The following MAP2K5 variants were observed in gnomAD, a reference collection of about 807,000 sequenced individuals.
MAP2K5 encodes the protein mitogen-activated protein kinase kinase 5, also known as dual specificity mitogen-activated protein kinase kinase 5.
MAP2K5 carries 49 observed loss-of-function variants against 83.1 expected under a neutral mutation model. The observed-to-expected ratio is 0.59, with a 90% CI of 0.47 to 0.75. The LOEUF is 0.75. Among genes scored for constraint, MAP2K5 ranks in the 30% least tolerant of loss-of-function variants. MAP2K5 has a pLI of 0.00. For synonymous variants in MAP2K5, 202 were observed against 191.8 expected, an observed-to-expected ratio of 1.05 and a Z score of -0.44; for missense variants, 457 against 557.5, an observed-to-expected ratio of 0.82 and a Z score of 1.82.
chr15:67,630,111 A>G (rs549737266), intron 8 of MAP2K5, among the ~76,000 whole-genome samples: 31 of 152,176 alleles, frequency 2.0e-4, no homozygotes, highest in South Asian at 8.3e-4. Flanking sequence ...GCATGTGCCT[A>G]TAGTCCTAGC....
Position 67,656,326 on chromosome 15 carries a change from A to ATT in MAP2K5, c.737-2212_737-2211dup, listed in dbSNP as rs11411357. Among the ~76,000 whole-genome samples, 1,152 of 143,412 alleles carry ATT rather than the reference A, an allele frequency of 8.0e-3. 5 individuals are homozygous for ATT. The highest frequency in any genetic ancestry group is 0.014 in the Middle Eastern group (4 of 280). 94.1% of individuals were successfully genotyped at this position (143,412 alleles called of 152,430 possible). A position where few individuals can be genotyped will look rare whatever the true frequency, so the allele number is the denominator to read the frequency against. On this transcript the variant is annotated intron_variant, in intron 11 of 21. Coordinates refer to ENST00000178640, the MANE Select transcript of MAP2K5 (RefSeq NM_145160.3). The stretch of plus-strand genomic sequence containing the variant: ...TGTCACGTCATGGGGAAACCTTTTA[A>ATT]TTTTTTTTTTTTTTTTGAGACAGGG...
chr15:67,685,938 A>G (rs191468475), intron 13 of MAP2K5, among the ~76,000 whole-genome samples: 23 of 152,354 alleles, frequency 1.5e-4, no homozygotes, highest in Middle Eastern at 3.4e-3. Context: ...GAGTAGTTAC[A>G]ACAAAAAGCT....
chr15:67,588,137 G>A, intron 6 of MAP2K5: 1 of 983,640 alleles, frequency 1.0e-6, no homozygotes, highest in Non-Finnish European at 1.2e-6. Flanking sequence ...TAGCAGGTGA[G>A]CAGTGAAGAG....
intron 15 of MAP2K5, among the ~76,000 whole-genome samples, chr15:67,697,622 G>A (rs1017162564): frequency 1.3e-5 from 2 of 152,154 alleles, no homozygotes; most frequent in Non-Finnish European, 2.9e-5. Context: ...ATTAGTTCAC[G>A]AAAGCTGCAT....
chr15:67,753,936 C>G (rs2089776589), intron 19 of MAP2K5, among the ~76,000 whole-genome samples: 1 of 152,262 alleles, frequency 6.6e-6, no homozygotes, highest in Admixed American at 6.5e-5. Context: ...CATAATAGCC[C>G]AAACGTAGAA....
At position 67,769,287 on chromosome 15, in the gene MAP2K5, T is replaced by C. The variant is rs562163811; in HGVS notation, c.1135-315T>C. 1.3e-5 allele frequency among the ~76,000 whole-genome samples: 2 copies of C among 152,342 alleles called. No individual in the cohort carries two copies. The highest frequency in any genetic ancestry group is 4.1e-4 in the South Asian group (2 of 4,822). ...TGTTAATTACAAGACCATTTGTGTGTTACTTAAATAATCATTAATTTCTCA... is the reference window on the plus strand; with the variant it reads ...TGTTAATTACAAGACCATTTGTGTGCTACTTAAATAATCATTAATTTCTCA... On this transcript the variant is annotated intron_variant, in intron 19 of 21. Transcript: ENST00000178640. This position sits in a 1 kb window ranked among gnomAD's most constrained non-coding sequence, Gnocchi z 5.2.
Position 67,756,806 on chromosome 15 carries a change from CT to C in MAP2K5, c.1134+8207del, listed in dbSNP as rs147223902. On this transcript the variant is annotated intron_variant, in intron 19 of 21. Transcript: ENST00000178640. The stretch of plus-strand genomic sequence containing the variant: ...GCAGTTTTTGTGTTTCTGTGTCTGA[CT>C]TACTTCACTTAGCATATTCATCTGT... Among the ~76,000 whole-genome samples, 604 of 152,166 alleles carry C rather than the reference CT, an allele frequency of 4.0e-3. 4 individuals are homozygous for C. The highest frequency in any genetic ancestry group is 0.014 in the African/African-American group (579 of 41,508).
intron 9 of MAP2K5, 86 bp from the exon 10 acceptor site, chr15:67,646,145 A>G (rs550444469): frequency 6.5e-5 from 39 of 598,280 alleles, no homozygotes; most frequent in African/African-American, 5.3e-4. Context: ...TAAAGGAACT[A>G]CCATGTTTTT....
chr15:67,705,736 CA>C (rs553374032), intron 16 of MAP2K5, among the ~76,000 whole-genome samples: 56 of 141,568 alleles, frequency 4.0e-4, no homozygotes, highest in Admixed American at 4.2e-4. Context: ...AACTCCATCT[CA>C]AAAAAAAAAA....
In MAP2K5 at chr15:67,638,342, G is replaced by A. The variant is rs534189575; in HGVS notation, c.585+7415G>A. On this transcript the variant is annotated intron_variant, in intron 9 of 21. Transcript: ENST00000178640. This position sits in a 1 kb window ranked among gnomAD's most constrained non-coding sequence, Gnocchi z 4.5. ...GTGGTATTCGGTTTCCTGTTCTTGT[G>A]TTAGTTTGCTAAAGATGATGACCTC... is the stretch of plus-strand genomic sequence containing the variant. Among the ~76,000 whole-genome samples the A allele has an allele frequency of 2.4e-4, 37 of 152,310 alleles. 1 individual carries two copies. The South Asian group carries it at 7.5e-3, about 31-fold the overall frequency.
rs1357494173 is a variant in MAP2K5 at position 67,561,093 on chromosome 15, A to G, written c.185-2190A>G. ...AGTTGCAGAAATGAGATTTATTTTA[A>G]AAAAACTACTTTATTCAGGCTGGAA... On this transcript the variant is annotated intron_variant, in intron 2 of 21. Coordinates refer to ENST00000178640, the MANE Select transcript of MAP2K5 (RefSeq NM_145160.3). The surrounding 1 kb of genome is among the most constrained non-coding windows in gnomAD (Gnocchi z 4.2). 1.3e-5 allele frequency among the ~76,000 whole-genome samples: 2 copies of G among 152,202 alleles called. No individual in the cohort carries two copies. Among genetic ancestry groups the G allele is most frequent in the East Asian group, 1.9e-4 (1 of 5,194 alleles).
At chr15:67,753,171 T>G (rs1434432489) in intron 19 of MAP2K5, among the ~76,000 whole-genome samples, 1 of 152,158 alleles carries the variant, frequency 6.6e-6, no homozygotes, top group Non-Finnish European at 1.5e-5. Flanking sequence ...ACCCCTACCT[T>G]TCATCATACA....
At chr15:67,650,096 T>C (rs1367001064) in intron 11 of MAP2K5, among the ~76,000 whole-genome samples, 1 of 152,212 alleles carries the variant, frequency 6.6e-6, no homozygotes, top group Non-Finnish European at 1.5e-5. Flanking sequence ...TTTTTAATGC[T>C]GTTTTTCTTA....
rs1160521908 is a variant in MAP2K5, at chr15:67,676,208, G to T, written c.847+11563G>T. On this transcript the variant is annotated intron_variant, in intron 13 of 21. Transcript: ENST00000178640. The surrounding 1 kb of genome is among the most constrained non-coding windows in gnomAD (Gnocchi z 4.8). Reference sequence around the variant, plus strand: ...TCTGACACAAACCTGAAGTTTAGGAGCTTATCAGAGGGAGAGAGAGAGCAC... The same window carrying T: ...TCTGACACAAACCTGAAGTTTAGGATCTTATCAGAGGGAGAGAGAGAGCAC... 6.6e-6 allele frequency among the ~76,000 whole-genome samples: 1 copy of T among 152,194 alleles called. No homozygotes were observed. The highest frequency in any genetic ancestry group is 1.5e-5 in the Non-Finnish European group (1 of 68,036).
At chr15:67,772,464 AT>A in intron 20 of MAP2K5, among the ~76,000 whole-genome samples, 1 of 152,306 alleles carries the variant, frequency 6.6e-6, no homozygotes, top group Middle Eastern at 3.4e-3. Flanking sequence ...GTTGCAAAAT[AT>A]TTTTTAAGTG....
chr15:67,610,187 A>T (rs892280004), intron 8 of MAP2K5, among the ~76,000 whole-genome samples: 1 of 152,202 alleles, frequency 6.6e-6, no homozygotes, highest in Non-Finnish European at 1.5e-5. Flanking sequence ...ATATAAAATT[A>T]GTGTATAAAT....
At chr15:67,712,524 C>T (rs2088715427) in intron 16 of MAP2K5, among the ~76,000 whole-genome samples, 1 of 152,166 alleles carries the variant, frequency 6.6e-6, no homozygotes, top group Non-Finnish European at 1.5e-5. Flanking sequence ...GTTGTATCCT[C>T]AGAGGACTAA....
intron 2 of MAP2K5, among the ~76,000 whole-genome samples, chr15:67,553,943 G>T (rs189272617): frequency 3.0e-5 from 3 of 100,098 alleles, no homozygotes; most frequent in Non-Finnish European, 4.3e-5. Context: ...AAAAAAAAAA[G>T]AAATAGTTGA....
At chr15:67,687,566 G>T (rs2087988576) in intron 13 of MAP2K5, among the ~76,000 whole-genome samples, 1 of 152,130 alleles carries the variant, frequency 6.6e-6, no homozygotes, top group Non-Finnish European at 1.5e-5. Flanking sequence ...ACCATATCTG[G>T]CACATGGTAA....
Sources: gnomAD v4.1 joint callset for allele counts (sites outside exome capture counted in the v4.1 genomes callset) on GRCh38, gnomAD v4.1.1 for gene constraint, Gnocchi (gnomAD v3.1) non-coding constraint, MANE v1.5 for transcripts, NCBI Gene and HGNC (gene_info 2026-07-23, HGNC 2026-07-21) for gene names.